The following COG3 variants were observed in gnomAD, a reference collection of about 807,000 sequenced individuals.
The protein encoded by COG3 is conserved oligomeric Golgi complex subunit 3.
COG3 carries 32 observed loss-of-function variants against 114.1 expected under a neutral mutation model. The observed-to-expected ratio is 0.28, with a 90% CI of 0.21 to 0.38. COG3 has a LOEUF of 0.38. Among genes scored for constraint, COG3 ranks in the 10% least tolerant of loss-of-function variants. COG3 has a pLI of 1.00. For missense variants in COG3, 813 were observed against 973.2 expected (o/e 0.84, Z 2.19); for synonymous variants, 352 against 365.7 (o/e 0.96, Z 0.43).
In COG3 at chr13:45,500,086, GTGTGTGTGTATATATATATATATA is replaced by G. The variant is rs1380140161; in HGVS notation, c.1489-3156_1489-3133del. ...TGTGTGAGTGTGTGTGTGTGTGTGT[GTGTGTGTGTATATATATATATATA>G]TATATAAAAAAGAGGCCTGATTATT... On this transcript the variant is annotated intron_variant, in intron 13 of 22. Coordinates refer to ENST00000349995, the MANE Select transcript of COG3 (RefSeq NM_031431.4). Among the ~76,000 whole-genome samples, 4 of 53,446 alleles carry G rather than the reference GTGTGTGTGTATATATATATATATA, an allele frequency of 7.5e-5. No homozygotes were observed. In the East Asian group the frequency reaches 2.0e-3, roughly 27 times the overall value. 35.1% of individuals were successfully genotyped at this position (53,446 alleles called of 152,430 possible).
At position 45,493,458 on chromosome 13, in the gene COG3, G is replaced by A. The variant is rs2985959; in HGVS notation, c.1299G>A (p.Glu433=). 668,588 of 1,610,908 alleles carry A rather than the reference G, an allele frequency of 0.42. 142,444 individuals carry two copies. The highest frequency in any genetic ancestry group is 0.59 in the Middle Eastern group (3,550 of 6,054). The change falls in exon 12 of 23, where the codon GAG becomes GAA. Residue 433 remains glutamate, a synonymous_variant. Coordinates refer to ENST00000349995, the MANE Select transcript of COG3 (RefSeq NM_031431.4). ...AACTTTGTGGGATTCTTAAAAATGA[G>A]GTGCTTGAAGATCATGTGCAGAACA... ...LSELCGILKN[E]VLEDHVQNNA...
chr13:45,493,563 C>T, intron 12 of COG3, 77 bp downstream of exon 12: 4 of 1,287,838 alleles, frequency 3.1e-6, no homozygotes, highest in Non-Finnish European at 4.3e-6. Flanking sequence ...TGCTTCTTCC[C>T]TCACCCCACT....
chr13:45,486,332 C>CGGAGAGGGAGAGGGAGA (rs1359138289), intron 7 of COG3, among the ~76,000 whole-genome samples, 163 bp from the exon 8 acceptor site: 1 of 54,846 alleles, frequency 1.8e-5, no homozygotes, highest in Admixed American at 1.4e-4. Flanking sequence ...AGACGGGAGA[C>CGGAGAGGGAGAGGGAGA]GGGAGACGGG....
intron 20 of COG3, among the ~76,000 whole-genome samples, chr13:45,526,089 T>TTTTTTTC (rs2137921711): frequency 9.1e-6 from 1 of 110,284 alleles, no homozygotes; most frequent in Admixed American, 9.8e-5. Flanking sequence ...TTTTTTTTTT[T>TTTTTTTC]TTTTTTTTTT....
chr13:45,465,230 C>T lies in COG3; in HGVS notation c.174+20C>T, dbSNP rs371280736. 5.0e-6 allele frequency: 8 copies of T among 1,611,220 alleles called. No individual in the cohort carries two copies. In the African/African-American group the frequency reaches 9.3e-5, roughly 19 times the overall value. ...GCTGAGGTGAGGTGATGGGCAGGAA[C>T]CGGGCCGGGGCGATGGGGCTGGGAT... On this transcript the variant is annotated intron_variant, in intron 1 of 22. Coordinates refer to ENST00000349995, the MANE Select transcript of COG3 (RefSeq NM_031431.4).
chr13:45,483,405 AT>A, intron 7 of COG3, 50 bp downstream of exon 7: 1 of 1,436,256 alleles, frequency 7.0e-7, no homozygotes, highest in Non-Finnish European at 9.3e-7. Context: ...TGTTGTTTTG[AT>A]TCATTCATCT....
At chr13:45,502,217 C>T (rs1261103405) in intron 13 of COG3, among the ~76,000 whole-genome samples, 1 of 152,154 alleles carries the variant, frequency 6.6e-6, no homozygotes, top group East Asian at 1.9e-4. Context: ...GTGCTCCCTC[C>T]TTTTCCTCCC....
At chr13:45,483,443 C>A in intron 7 of COG3, 88 bp downstream of exon 7, 1 of 1,068,350 alleles carries the variant, frequency 9.4e-7, no homozygotes, top group Non-Finnish European at 1.3e-6. Context: ...GAGATTAGTA[C>A]TTTGTAATTC....
At chr13:45,525,633 G>GTTTTTTT (rs1566273037) in intron 20 of COG3, among the ~76,000 whole-genome samples, 14 of 13,930 alleles carry the variant, frequency 1.0e-3, no homozygotes, top group African/African-American at 5.0e-3. Context: ...GAGGGCTTTG[G>GTTTTTTT]GTTTTTTTTT....
chr13:45,491,789 T>C (rs1243006145), intron 10 of COG3, among the ~76,000 whole-genome samples: 2 of 152,208 alleles, frequency 1.3e-5, no homozygotes, highest in Admixed American at 1.3e-4. Context: ...ATTTCAAAGT[T>C]TGTAGATTTA....
chr13:45,529,700 AT>A (rs1011480948), intron 20 of COG3, 90 bp from the exon 21 acceptor site: 12 of 917,018 alleles, frequency 1.3e-5, no homozygotes, highest in Admixed American at 3.1e-5. Context: ...TTCTTCTGCT[AT>A]TTTTTTCTCC....
At chr13:45,482,501 A>T in intron 6 of COG3, 28 bp downstream of exon 6, 1 of 1,108,818 alleles carries the variant, frequency 9.0e-7, no homozygotes. Flanking sequence ...TGCATGTTTT[A>T]AAGAAATCCT....
chr13:45,516,928 G>C (rs376955915), intron 17 of COG3, among the ~76,000 whole-genome samples: 13 of 151,996 alleles, frequency 8.6e-5, no homozygotes, highest in East Asian at 3.9e-4. Context: ...TGTAAGATAG[G>C]GTCTTTGAGT....
At chr13:45,478,210 G>C (rs1299397009) in intron 2 of COG3, among the ~76,000 whole-genome samples, 1 of 89,058 alleles carries the variant, frequency 1.1e-5, no homozygotes, top group Non-Finnish European at 2.3e-5. Flanking sequence ...TTTTTTTTTT[G>C]AGACGGAGTC....
In COG3 at chr13:45,500,225, C is replaced by T. The variant is rs371855580; in HGVS notation, c.1489-3019C>T. On this transcript the variant is annotated intron_variant, in intron 13 of 22. Coordinates refer to ENST00000349995, the MANE Select transcript of COG3 (RefSeq NM_031431.4). ...TTTTGCTAAGTCATCATGTTTCTAA[C>T]GTGTTTTAAAAAAATATAATCTTGA... Among the ~76,000 whole-genome samples, 10 of 151,702 alleles carry T rather than the reference C, an allele frequency of 6.6e-5. No individual in the cohort carries two copies. The East Asian group carries it at 1.3e-3, about 20-fold the overall frequency.
chr13:45,500,105 TATATATATATA>T, intron 13 of COG3, among the ~76,000 whole-genome samples: 1 of 16,066 alleles, frequency 6.2e-5, no homozygotes, highest in Admixed American at 1.1e-3. Context: ...TATATATATA[TATATATATATA>T]AAAAAGAGGC....
Position 45,479,187 on chromosome 13 carries a change from A to G in COG3, c.383+121A>G, listed in dbSNP as rs1449698837. 4.4e-6 allele frequency: 3 copies of G among 687,806 alleles called. No individual in the cohort carries two copies. In the East Asian group the frequency reaches 7.8e-5, roughly 18 times the overall value. 42.6% of individuals were successfully genotyped at this position (687,806 alleles called of 1,614,324 possible). A position where few individuals can be genotyped will look rare whatever the true frequency, so the allele number is the denominator to read the frequency against. On this transcript the variant is annotated intron_variant, in intron 3 of 22. Coordinates refer to ENST00000349995, the MANE Select transcript of COG3 (RefSeq NM_031431.4). ...ATTAAGAAAACTGTAACAGCCATAT[A>G]TTCTTTAAGAATAGCCAGTGAGAAG...
In COG3 at chr13:45,496,273, T is replaced by C. The variant is rs1868761075; in HGVS notation, c.1449T>C (p.Pro483=). The part of the protein sequence containing the change: ...QTDITGYKPA[P]GDLAYPDKLV... ...ACATCACGGGCTATAAACCAGCTCC[T>C]GGAGATCTGGCATATCCCGATAAGT... Residue 483 remains proline, a synonymous_variant, in exon 13 of 23, where the codon CCT becomes CCC. Transcript: ENST00000349995. The C allele has an allele frequency of 6.2e-7, 1 of 1,609,524 alleles. No individual in the cohort carries two copies. Among genetic ancestry groups the C allele is most frequent in the East Asian group, 2.2e-5 (1 of 44,564 alleles).
chr13:45,479,052 A>G lies in COG3; in HGVS notation c.369A>G (p.Glu123=), dbSNP rs775194149. Residue 123 remains glutamate (E), a synonymous_variant, in exon 3 of 23, where the codon GAA becomes GAG. Coordinates refer to ENST00000349995, the MANE Select transcript of COG3 (RefSeq NM_031431.4). ...AKLQTQMDQD[E]GTKYRQMRDY... is the part of the protein sequence containing the mutation. ...TGCAAACTCAGATGGATCAAGATGA[A>G]GGAACTAAATATAGGTATGTGTGTC... The G allele has an allele frequency of 3.7e-6, 6 of 1,609,634 alleles. No homozygotes were observed. In the African/African-American group the frequency reaches 4.0e-5, roughly 11 times the overall value.
Sources: gnomAD v4.1 joint callset for allele counts (sites outside exome capture counted in the v4.1 genomes callset) on GRCh38, gnomAD v4.1.1 for gene constraint, MANE v1.5 for transcripts, NCBI Gene and HGNC (gene_info 2026-07-23, HGNC 2026-07-21) for gene names.